PYGL: variants seen among roughly 807,000 people sequenced by gnomAD.
The protein encoded by PYGL is glycogen phosphorylase, liver form.
In PYGL, 90 loss-of-function variants were observed where a neutral mutation model predicts 100.1. The ratio of observed to expected loss-of-function variants is 0.90; its 90% CI spans 0.76 to 1.07. PYGL has a LOEUF of 1.07. Ranked by LOEUF, PYGL falls within the 50% of genes least tolerant of loss-of-function variation. PYGL has a pLI of 0.00. For synonymous variants in PYGL, 373 were observed against 393.0 expected (o/e 0.95, Z 0.60); for missense variants, 1,016 against 1,057.6 (o/e 0.96, Z 0.55).
intron 12 of PYGL, among the ~76,000 whole-genome samples, chr14:50,914,179 A>G (rs1333338397): frequency 6.6e-6 from 1 of 152,088 alleles, no homozygotes; most frequent in Non-Finnish European, 1.5e-5. Context: ...AATTTGCAGG[A>G]CCTTTTGTTC....
chr14:50,935,175 T>A lies in PYGL; in HGVS notation c.356A>T (p.Asp119Val), dbSNP rs1326500867. Residue 119 changes from aspartate to valine, a missense_variant, in exon 3 of 20, where the codon GAT (aspartate) becomes GTT (valine). By Grantham distance (152) the Asp-to-Val change is radical. Coordinates refer to ENST00000216392, the MANE Select transcript of PYGL (RefSeq NM_002863.5). ...TTCAATTTCTTCTAACTCTTCTATA[T>A]CCAATCCAAGCTGGTAATGAAAGGA... ...CDEAIYQLGL[D>V]IEELEEIEED... The A allele has an allele frequency of 3.1e-6, 5 of 1,611,666 alleles. No homozygotes were observed. In the South Asian group the frequency reaches 5.5e-5, roughly 18 times the overall value.
rs773220423 is a variant in PYGL, at chr14:50,908,901, A to G, written c.2232T>C (p.Asp744=). The G allele has an allele frequency of 1.3e-6, 2 of 1,595,834 alleles. No individual in the cohort carries two copies. Among genetic ancestry groups the G allele is most frequent in the East Asian group, 2.2e-5 (1 of 44,702 alleles). The change falls in exon 18 of 20, where the codon GAT becomes GAC. Residue 744 remains aspartate, a synonymous_variant. Transcript: ENST00000216392. ...GAGAAAAAAAGCCATTGTCAATTTG[A>G]TCAATGACCAGCTTCAGCTCTGGAA... ...EALPELKLVI[D]QIDNGFFSPK...
chr14:50,914,586 A>C, intron 12 of PYGL, 115 bp downstream of exon 12: 1 of 804,542 alleles, frequency 1.2e-6, no homozygotes, highest in Non-Finnish European at 2.1e-6. Context: ...GACTGCACAA[A>C]CCACATGCTG....
At chr14:50,912,790 CT>C (rs1292039734) in intron 13 of PYGL, among the ~76,000 whole-genome samples, 1 of 151,812 alleles carries the variant, frequency 6.6e-6, no homozygotes, top group East Asian at 2.0e-4. Context: ...CCTGTCTCTA[CT>C]AAAAATACAA....
At chr14:50,921,753 T>G (rs1033195071) in intron 5 of PYGL, among the ~76,000 whole-genome samples, 2 of 152,200 alleles carry the variant, frequency 1.3e-5, no homozygotes, top group African/African-American at 4.8e-5. Flanking sequence ...GCAAACAAAG[T>G]GACATTGTGA....
intron 6 of PYGL, 64 bp from the exon 7 acceptor site, chr14:50,920,687 T>A: frequency 6.8e-7 from 1 of 1,463,968 alleles, no homozygotes; most frequent in South Asian, 1.1e-5. Flanking sequence ...AACCTCTTGA[T>A]CTCACTGGCT....
intron 9 of PYGL, among the ~76,000 whole-genome samples, chr14:50,916,313 T>C (rs2050448400): frequency 6.6e-6 from 1 of 152,240 alleles, no homozygotes; most frequent in Non-Finnish European, 1.5e-5. Flanking sequence ...TGCTGACTTC[T>C]AAAGCTATGG....
chr14:50,942,751 G>A (rs1263037119), intron 1 of PYGL, among the ~76,000 whole-genome samples: 4 of 105,966 alleles, frequency 3.8e-5, no homozygotes, highest in African/African-American at 1.1e-4. Flanking sequence ...AACCCTGGAG[G>A]CGAAGGATGC....
chr14:50,919,691 G>A (rs1322050192), intron 7 of PYGL, among the ~76,000 whole-genome samples: 2 of 152,022 alleles, frequency 1.3e-5, no homozygotes, highest in African/African-American at 4.8e-5. Flanking sequence ...GTGTGTGTGT[G>A]TGTGTGTTTT....
chr14:50,927,941 TG>T (rs1438864796), intron 4 of PYGL, among the ~76,000 whole-genome samples: 1 of 151,656 alleles, frequency 6.6e-6, no homozygotes, highest in Non-Finnish European at 1.5e-5. Flanking sequence ...GATCCCCAAA[TG>T]CACTAACATG....
intron 19 of PYGL, among the ~76,000 whole-genome samples, chr14:50,906,701 CTG>C (rs2050340017): frequency 6.6e-6 from 1 of 152,186 alleles, no homozygotes; most frequent in South Asian, 2.1e-4. Flanking sequence ...GTTCTCTTCC[CTG>C]TGTCTTTGCA....
chr14:50,908,418 A>G, intron 18 of PYGL, 81 bp from the exon 19 acceptor site: 3 of 1,298,882 alleles, frequency 2.3e-6, no homozygotes, highest in Non-Finnish European at 3.3e-6. Context: ...ATGTAAAATC[A>G]TCTTTTGCTT....
At chr14:50,906,550 C>T (rs541052231) in intron 19 of PYGL, among the ~76,000 whole-genome samples, 1 of 152,330 alleles carries the variant, frequency 6.6e-6, no homozygotes, top group African/African-American at 2.4e-5. Flanking sequence ...ACAAGAAAGA[C>T]CGAATCAAAT....
At chr14:50,942,926 T>C (rs1405836415) in intron 1 of PYGL, among the ~76,000 whole-genome samples, 1 of 152,258 alleles carries the variant, frequency 6.6e-6, no homozygotes, top group Non-Finnish European at 1.5e-5. Context: ...AGGATACATT[T>C]TAGCAGTTGC....
Position 50,910,038 on chromosome 14 carries a change from G to T in PYGL, c.2034C>A (p.Gly678=), listed in dbSNP as rs762391927. The change falls in exon 17 of 20, where the codon GGC becomes GGA. Residue 678 remains glycine (G), a synonymous_variant. Coordinates refer to ENST00000216392, the MANE Select transcript of PYGL (RefSeq NM_002863.5). ...STAGTEASGT[G]NMKFMLNGAL... ...CCCCATTTAGCATGAACTTCATATT[G>T]CCTGTCCCCGAGGCTTCGGTGCCTG... 2.5e-6 allele frequency: 4 copies of T among 1,614,094 alleles called. No homozygotes were observed. The South Asian group carries it at 3.3e-5, about 13-fold the overall frequency.
intron 3 of PYGL, among the ~76,000 whole-genome samples, chr14:50,932,641 T>G (rs918161860): frequency 1.3e-5 from 2 of 152,244 alleles, no homozygotes; most frequent in Non-Finnish European, 1.5e-5. Context: ...GCATTTTTGC[T>G]AGGTTTTCTG....
chr14:50,920,338 A>G (rs1169576917), intron 7 of PYGL, among the ~76,000 whole-genome samples: 1 of 152,240 alleles, frequency 6.6e-6, no homozygotes, highest in Non-Finnish European at 1.5e-5. Flanking sequence ...AGGGCAAAAT[A>G]CCAATTCTGA....
intron 1 of PYGL, among the ~76,000 whole-genome samples, chr14:50,942,130 G>A (rs2050706906): frequency 6.6e-6 from 1 of 152,216 alleles, no homozygotes; most frequent in Non-Finnish European, 1.5e-5. Flanking sequence ...TATGAGGGCA[G>A]GAACCATCCT....
chr14:50,916,880 TGAGA>T, intron 8 of PYGL, 78 bp downstream of exon 8: 1 of 1,571,068 alleles, frequency 6.4e-7, no homozygotes, highest in Non-Finnish European at 8.8e-7. Flanking sequence ...TTGTTAGCAC[TGAGA>T]GAGAGGAATT....
Sources: gnomAD v4.1 joint callset for allele counts (sites outside exome capture counted in the v4.1 genomes callset) on GRCh38, gnomAD v4.1.1 for gene constraint, MANE v1.5 for transcripts, NCBI Gene and HGNC (gene_info 2026-07-23, HGNC 2026-07-21) for gene names.